The following CCDC175 variants were observed in gnomAD, a reference collection of about 807,000 sequenced individuals.
CCDC175 encodes coiled-coil domain containing 175, also known as coiled-coil domain-containing protein 175.
A neutral mutation model predicts 114.6 loss-of-function variants in CCDC175; 100 were observed. The observed-to-expected ratio is 0.87, with a 90% CI of 0.74 to 1.03. CCDC175 has a LOEUF of 1.03. CCDC175 is among the 50% of genes least tolerant of loss of function. CCDC175 has a pLI of 0.00. For synonymous variants in CCDC175, 306 were observed against 308.7 expected, an observed-to-expected ratio of 0.99 and a Z score of 0.09; for missense variants, 880 against 917.8, an observed-to-expected ratio of 0.96 and a Z score of 0.53.
intron 13 of CCDC175, among the ~76,000 whole-genome samples, chr14:59,536,722 T>C (rs1894420857): frequency 1.3e-5 from 2 of 152,150 alleles, no homozygotes; most frequent in African/African-American, 4.8e-5. Flanking sequence ...CTAATAATTT[T>C]CCTTTGTACT....
intron 4 of CCDC175, 138 bp downstream of exon 4, chr14:59,568,107 G>T: frequency 1.3e-6 from 1 of 761,162 alleles, no homozygotes; most frequent in Middle Eastern, 2.4e-4. Flanking sequence ...CATCAGCCTG[G>T]GCCATCTCCT....
intron 7 of CCDC175, among the ~76,000 whole-genome samples, chr14:59,555,395 C>T (rs1895821958): frequency 6.6e-6 from 1 of 152,162 alleles, no homozygotes; most frequent in South Asian, 2.1e-4. Context: ...CAGAAAAGGC[C>T]TTTGACAAAA....
chr14:59,557,276 C>A (rs949658242), intron 7 of CCDC175, among the ~76,000 whole-genome samples: 3 of 151,982 alleles, frequency 2.0e-5, no homozygotes, highest in Non-Finnish European at 2.9e-5. Flanking sequence ...CCATGGAATA[C>A]TATGCAGCCA....
intron 13 of CCDC175, among the ~76,000 whole-genome samples, chr14:59,532,147 A>T (rs1371020252): frequency 6.6e-6 from 1 of 152,170 alleles, no homozygotes; most frequent in African/African-American, 2.4e-5. Context: ...TTCTCTAAAG[A>T]TCCCTTCTGC....
intron 4 of CCDC175, among the ~76,000 whole-genome samples, 168 bp downstream of exon 4, chr14:59,568,077 A>T (rs1896653973): frequency 6.6e-6 from 1 of 152,102 alleles, no homozygotes; most frequent in Non-Finnish European, 1.5e-5. Flanking sequence ...AGTCCTCTGT[A>T]GCCACCACCT....
rs917187014 is a variant in CCDC175, at chr14:59,510,706, G to A, written c.2245C>T (p.Arg749Ter). Residue 749 changes from arginine (R) to a stop codon, truncating the protein, a stop_gained, in exon 19 of 20, where the codon CGA (arginine) becomes TGA (stop). Coordinates refer to ENST00000537690, the MANE Select transcript of CCDC175 (RefSeq NM_001164399.2). LOFTEE classifies it high-confidence loss of function. The stretch of plus-strand genomic sequence containing the variant: ...AAACGCAGCCCTTCAAGACTCCCTC[G>A]TAGCCATGTACTGACATGCTGCATT... ...EKMQHVSTWLRGSLEGLRLLV... is the reference protein window; with the variant it reads ...EKMQHVSTWL 15 of 1,537,020 alleles carry A rather than the reference G, an allele frequency of 9.8e-6. No homozygotes were observed. Among genetic ancestry groups the A allele is most frequent in the East Asian group, 7.3e-5 (3 of 40,914 alleles).
intron 7 of CCDC175, among the ~76,000 whole-genome samples, chr14:59,554,975 C>T (rs989930520): frequency 4.6e-5 from 7 of 152,076 alleles, no homozygotes; most frequent in African/African-American, 1.7e-4. Context: ...CAATAATTAA[C>T]AGCTTACCAA....
chr14:59,576,245 G>T (rs1336328540), intron 1 of CCDC175, among the ~76,000 whole-genome samples: 2 of 152,170 alleles, frequency 1.3e-5, no homozygotes, highest in East Asian at 1.9e-4. Flanking sequence ...ACGGCAAAAT[G>T]TCGGAGGAAG....
intron 7 of CCDC175, among the ~76,000 whole-genome samples, chr14:59,560,751 G>A (rs771241490): frequency 9.2e-5 from 14 of 152,124 alleles, no homozygotes; most frequent in Non-Finnish European, 8.8e-5. Context: ...CTTTGAGTAA[G>A]AACAACTCTA....
At chr14:59,506,275 A>ATTTTTTTTTTTT (rs35322741) in intron 19 of CCDC175, among the ~76,000 whole-genome samples, 4 of 136,028 alleles carry the variant, frequency 2.9e-5, no homozygotes, top group Admixed American at 7.5e-5. Context: ...GAGCACAGGG[A>ATTTTTTTTTTTT]TTTTTTTTTT....
At chr14:59,555,614 G>A (rs147646446) in intron 7 of CCDC175, among the ~76,000 whole-genome samples, 1 of 152,144 alleles carries the variant, frequency 6.6e-6, no homozygotes. Context: ...GTTCTAGCCA[G>A]GGCAATCAGG....
At chr14:59,506,042 G>A (rs954912524) in intron 19 of CCDC175, among the ~76,000 whole-genome samples, 20 of 152,012 alleles carry the variant, frequency 1.3e-4, no homozygotes, top group African/African-American at 4.8e-4. Flanking sequence ...TTTGAGTTTT[G>A]GAGCACTTTG....
intron 19 of CCDC175, among the ~76,000 whole-genome samples, chr14:59,506,173 A>C (rs1892366561): frequency 6.6e-6 from 1 of 152,104 alleles, no homozygotes; most frequent in South Asian, 2.1e-4. Context: ...TTAGTTTGCG[A>C]GACTATTGCA....
intron 7 of CCDC175, among the ~76,000 whole-genome samples, chr14:59,559,791 T>C (rs376279175): frequency 2.9e-3 from 449 of 152,256 alleles, no homozygotes; most frequent in African/African-American, 0.01. Flanking sequence ...ACCACCACAT[T>C]AATATAAAGC....
intron 17 of CCDC175, among the ~76,000 whole-genome samples, chr14:59,517,711 G>T (rs553382086): frequency 6.6e-6 from 1 of 152,134 alleles, no homozygotes; most frequent in Admixed American, 6.5e-5. Context: ...CTCACGGGTA[G>T]GAAGAATCAA....
At chr14:59,519,759 C>T (rs1893316078) in intron 17 of CCDC175, among the ~76,000 whole-genome samples, 1 of 152,214 alleles carries the variant, frequency 6.6e-6, no homozygotes, top group Non-Finnish European at 1.5e-5. Context: ...CCTCCCCTTG[C>T]ACCTGAGTGA....
chr14:59,510,281 T>G, intron 19 of CCDC175: 1 of 227,796 alleles, frequency 4.4e-6, no homozygotes. Flanking sequence ...GTTGCTATTT[T>G]TAATGCTAAA....
chr14:59,563,077 T>G (rs963742262), intron 6 of CCDC175, among the ~76,000 whole-genome samples: 1 of 152,216 alleles, frequency 6.6e-6, no homozygotes, highest in African/African-American at 2.4e-5. Context: ...GTTCAATTAA[T>G]TGTGATAAGA....
At chr14:59,516,616 C>A (rs1893102227) in intron 17 of CCDC175, among the ~76,000 whole-genome samples, 1 of 152,048 alleles carries the variant, frequency 6.6e-6, no homozygotes, top group South Asian at 2.1e-4. Context: ...AAGACTAAAC[C>A]AGGAAGAAGT....
Sources: allele counts gnomAD v4.1 joint callset (sites outside exome capture counted in the v4.1 genomes callset), GRCh38; gene constraint gnomAD v4.1.1; transcripts MANE v1.5; gene names NCBI Gene and HGNC (gene_info 2026-07-23, HGNC 2026-07-21).